Variants in POLE observed in about 807,000 individuals in gnomAD.
POLE encodes the protein DNA polymerase epsilon catalytic subunit A.
Under a neutral mutation model 279.2 loss-of-function variants are expected in POLE, and 188 were observed. The ratio of observed to expected loss-of-function variants is 0.67; its 90% confidence interval spans 0.60 to 0.76. POLE has a LOEUF of 0.76. Ranked by LOEUF, POLE falls within the 30% of genes least tolerant of loss-of-function variation. The pLI, the probability that POLE is intolerant of heterozygous loss-of-function variation, is 0.00. For missense variants in POLE, 2,703 were observed against 3,016.7 expected, an observed-to-expected ratio of 0.90 and a Z score of 2.44; for synonymous variants, 1,214 against 1,172.5, an observed-to-expected ratio of 1.04 and a Z score of -0.72.
intron 42 of POLE, among the ~76,000 whole-genome samples, chr12:132,635,357 C>T (rs2042010561): frequency 6.6e-6 from 1 of 152,252 alleles, no homozygotes; most frequent in Non-Finnish European, 1.5e-5. Context: ...TGCCCAGCAT[C>T]TCCCTGACAC....
intron 1 of POLE, among the ~76,000 whole-genome samples, chr12:132,686,742 A>C (rs1292957106): frequency 6.6e-6 from 1 of 152,102 alleles, no homozygotes; most frequent in Non-Finnish European, 1.5e-5. Flanking sequence ...GCCCAAAAAA[A>C]TAAAACAGAG....
intron 1 of POLE, among the ~76,000 whole-genome samples, chr12:132,682,291 CAAAAAA>C (rs759276322): frequency 4.6e-4 from 56 of 120,452 alleles, no homozygotes; most frequent in South Asian, 1.3e-3. Context: ...GAGACTCCGG[CAAAAAA>C]AAAAAAATAA....
chr12:132,625,076 C>T, intron 47 of POLE, 82 bp from the exon 48 acceptor site: 1 of 1,022,454 alleles, frequency 9.8e-7, no homozygotes, highest in Non-Finnish European at 1.5e-6. Flanking sequence ...GCTCGCGAGA[C>T]ACATTCGTGG....
rs1565956275 is a variant in POLE at position 132,659,481 on chromosome 12, A to T, written c.3089T>A (p.Phe1030Tyr). Residue 1030 changes from phenylalanine (F) to tyrosine (Y), a missense_variant, in exon 26 of 49, where the codon TTC becomes TAC. Around this residue, in one of 5 missense-constraint regions of POLE, gnomAD observed 1,551 missense variants for 1,686.1 expected, o/e 0.92. Transcript: ENST00000320574. Reference sequence around the variant, plus strand: ...GGAACGGTTCTCAGAGATGAGCTCGAATAGCTCAGAGTCAGGCATGTTGGC... The same window carrying T: ...GGAACGGTTCTCAGAGATGAGCTCGTATAGCTCAGAGTCAGGCATGTTGGC... ...KAANMPDSEL[F>Y]ELISENRSMS... 14 of 1,614,038 alleles carry T rather than the reference A, an allele frequency of 8.7e-6. No homozygotes were observed. The highest frequency in any genetic ancestry group is 3.3e-5 in the Admixed American group (2 of 60,006).
chr12:132,649,940 G>C, intron 29 of POLE, 51 bp from the exon 30 acceptor site: 1 of 1,539,282 alleles, frequency 6.5e-7, no homozygotes. Flanking sequence ...GCTGCGCAGG[G>C]TGGCTCATGC....
intron 45 of POLE, among the ~76,000 whole-genome samples, chr12:132,628,053 C>A (rs1029398427): frequency 6.6e-6 from 1 of 152,208 alleles, no homozygotes; most frequent in Non-Finnish European, 1.5e-5. Context: ...TCTCAAGAAA[C>A]TACTTTTTGG....
chr12:132,647,861 C>T (rs12319591), intron 32 of POLE, among the ~76,000 whole-genome samples: 8 of 152,152 alleles, frequency 5.3e-5, no homozygotes, highest in Admixed American at 3.9e-4. Context: ...ACCTCGGTCT[C>T]CCAAAGTGCG....
Position 132,645,800 on chromosome 12 carries a change from CCACACACA to C in POLE, c.4150-1831_4150-1824del, listed in dbSNP as rs10553413. On this transcript the variant is annotated intron_variant, in intron 32 of 48. Coordinates refer to ENST00000320574, the MANE Select transcript of POLE (RefSeq NM_006231.4). ...AAATTAGACCGACACACACACACAC[CCACACACA>C]CACACACAAAATCAAAGAAATGAAA... Among the ~76,000 whole-genome samples the C allele has an allele frequency of 4.8e-3, 715 of 149,876 alleles. 6 individuals carry two copies. The highest frequency in any genetic ancestry group is 0.017 in the African/African-American group (671 of 40,008).
At chr12:132,686,404 G>C (rs1483696177) in intron 1 of POLE, among the ~76,000 whole-genome samples, 4 of 151,974 alleles carry the variant, frequency 2.6e-5, no homozygotes, top group African/African-American at 9.7e-5. Flanking sequence ...CTGGGACCTC[G>C]GGCGCGCACC....
chr12:132,643,940 T>C lies in POLE; in HGVS notation c.4187A>G (p.Asn1396Ser), dbSNP rs5744934. 208,885 of 1,613,604 alleles carry C rather than the reference T, an allele frequency of 0.13. 14,816 individuals are homozygous for C. The highest frequency in any genetic ancestry group is 0.18 in the South Asian group (15,975 of 91,056). ...RVLPRSNMVYNLYEYSVPEDM... is the reference protein window; with the variant it reads ...RVLPRSNMVYSLYEYSVPEDM... ...CTCTGGCACTGAATACTCATAGAGA[T>C]TGTAGACCATGTTGGAGCGAGGAAG... The change falls in exon 33 of 49, where the codon AAT becomes AGT. Residue 1396 changes from asparagine (N) to serine (S), a missense_variant. Physicochemically the swap from Asn to Ser is conservative, Grantham distance 46 (BLOSUM62 1). Transcript: ENST00000320574.
In POLE at chr12:132,661,761, G is replaced by A; in HGVS notation, c.2707-77C>T. ...TGGAAACCACCTGGTGTCCCTCCAG[G>A]AGTGGATGGATTGACAAACCGAGGC... On this transcript the variant is annotated intron_variant, in intron 23 of 48. Coordinates refer to ENST00000320574, the MANE Select transcript of POLE (RefSeq NM_006231.4). The surrounding 1 kb of genome is among the most constrained non-coding windows in gnomAD (Gnocchi z 4.1). 7.0e-7 allele frequency: 1 copy of A among 1,428,802 alleles called. No individual in the cohort carries two copies. The highest frequency in any genetic ancestry group is 9.6e-7 in the Non-Finnish European group (1 of 1,043,876). The allele number at this position is 1,428,802 out of a possible 1,614,324, so 88.5% of individuals were successfully genotyped here.
chr12:132,661,165 C>CT lies in POLE; in HGVS notation c.2865-2dup. ...ACCGTCTTCATTGAACACAGCATAC[C>CT]TGAAAAAAAAAAAAAAGGCAAGCAC... On this transcript the variant is annotated splice_acceptor_variant, in intron 24 of 48. Transcript: ENST00000320574. LOFTEE classifies it high-confidence loss of function. This position sits in a 1 kb window ranked among gnomAD's most constrained non-coding sequence, Gnocchi z 4.1. 1 of 1,570,352 alleles carries CT rather than the reference C, an allele frequency of 6.4e-7. No homozygotes were observed. The highest frequency in any genetic ancestry group is 8.6e-7 in the Non-Finnish European group (1 of 1,163,940).
intron 29 of POLE, among the ~76,000 whole-genome samples, chr12:132,655,763 A>G (rs2042518125): frequency 6.6e-6 from 1 of 152,202 alleles, no homozygotes; most frequent in East Asian, 1.9e-4. Context: ...TCTGGTATTA[A>G]TACAGCCACA....
At chr12:132,652,290 T>C (rs2138628899) in intron 29 of POLE, among the ~76,000 whole-genome samples, 1 of 151,620 alleles carries the variant, frequency 6.6e-6, no homozygotes, top group East Asian at 1.9e-4. Flanking sequence ...GTCTCCTGAG[T>C]TGTTTACCAA....
chr12:132,633,835 C>T (rs2041982183), intron 43 of POLE: 2 of 200,924 alleles, frequency 1.0e-5, no homozygotes, highest in East Asian at 2.2e-4. Context: ...ACTGAACGTG[C>T]ACACACACAA....
In POLE at chr12:132,649,470, G is replaced by C. The variant is rs1267471123; in HGVS notation, c.3841C>G (p.Leu1281Val). 1.2e-6 allele frequency: 2 copies of C among 1,611,992 alleles called. No homozygotes were observed. Among genetic ancestry groups the C allele is most frequent in the South Asian group, 1.1e-5 (1 of 91,066 alleles). Residue 1281 changes from leucine (L) to valine (V), a missense_variant, in exon 31 of 49, where the codon CTG becomes GTG. Physicochemically the swap from Leu to Val is conservative, Grantham distance 32 (BLOSUM62 1). Coordinates refer to ENST00000320574, the MANE Select transcript of POLE (RefSeq NM_006231.4). ...WLRFHKKKWQLQARQRLARRK... is the reference protein window; with the variant it reads ...WLRFHKKKWQVQARQRLARRK... Reference sequence around the variant, plus strand: ...CGGGCGAGGCGCTGCCGGGCCTGCAGCTGCCACTTCTTCTTGTGGAACCGG... The same window carrying C: ...CGGGCGAGGCGCTGCCGGGCCTGCACCTGCCACTTCTTCTTGTGGAACCGG...
At chr12:132,662,513 A>G (rs892775310) in intron 23 of POLE, among the ~76,000 whole-genome samples, 2 of 152,204 alleles carry the variant, frequency 1.3e-5, no homozygotes, top group Non-Finnish European at 2.9e-5. Flanking sequence ...ACAGAAATAA[A>G]CAGTTCTGTG....
rs985182977 is a variant in POLE at position 132,673,802 on chromosome 12, G to C, written c.1227-95C>G. The C allele has an allele frequency of 6.1e-6, 9 of 1,470,320 alleles. No individual in the cohort carries two copies. The Middle Eastern group carries it at 5.2e-4, about 86-fold the overall frequency. 91.1% of individuals were successfully genotyped at this position (1,470,320 alleles called of 1,614,324 possible). ...AAAACTGGGCACCACACAGACAGAT[G>C]CAAGTTCCTAACAGGCACCCAGGAG... On this transcript the variant is annotated intron_variant, in intron 12 of 48. Transcript: ENST00000320574.
At position 132,639,255 on chromosome 12, in the gene POLE, G is replaced by A. The variant is rs1167794021; in HGVS notation, c.5422C>T (p.Gln1808Ter). 1.2e-6 allele frequency: 2 copies of A among 1,613,952 alleles called. No individual in the cohort carries two copies. Among genetic ancestry groups the A allele is most frequent in the Admixed American group, 1.7e-5 (1 of 59,996 alleles). The change falls in exon 40 of 49, where the codon CAG becomes TAG. Residue 1808 changes from glutamine to a stop codon, truncating the protein, a stop_gained. Transcript: ENST00000320574. LOFTEE classifies it high-confidence loss of function. The surrounding 1 kb of genome is among the most constrained non-coding windows in gnomAD (Gnocchi z 4.7). ...MVVGWVKEIT[Q>*]YHNIYADNQV... ...TTGTCTGCATAGATGTTGTGGTACT[G>A]GGTGATCTCCTTCACCCAGCCCACG...
Sources: gnomAD v4.1 joint callset for allele counts (sites outside exome capture counted in the v4.1 genomes callset) on GRCh38, gnomAD v4.1.1 for gene constraint, gnomAD v4.1.1 regional missense constraint, Gnocchi (gnomAD v3.1) non-coding constraint, MANE v1.5 for transcripts, NCBI Gene and HGNC (gene_info 2026-07-23, HGNC 2026-07-21) for gene names.